The following LRBA variants were observed in gnomAD, a reference collection of about 807,000 sequenced individuals.
The protein encoded by LRBA is LPS responsive beige-like anchor protein.
A neutral mutation model predicts 330.0 loss-of-function variants in LRBA; 176 were observed. The observed-to-expected ratio is 0.53, with a 90% confidence interval of 0.47 to 0.60. The LOEUF is 0.60. LRBA is among the 20% of genes least tolerant of loss of function. The pLI, the probability that LRBA is intolerant of heterozygous loss-of-function variation, is 0.00. For missense variants in LRBA, 3,259 were observed against 3,444.8 expected, an observed-to-expected ratio of 0.95 and a Z score of 1.35; for synonymous variants, 1,230 against 1,193.0, an observed-to-expected ratio of 1.03 and a Z score of -0.64.
chr4:150,578,215 T>C (rs1266456930), intron 40 of LRBA, among the ~76,000 whole-genome samples: 1 of 152,216 alleles, frequency 6.6e-6, no homozygotes, highest in East Asian at 1.9e-4. Context: ...TTGATAAATC[T>C]AATACTGTAT....
chr4:150,285,703 G>C (rs757518766), intron 54 of LRBA, among the ~76,000 whole-genome samples: 1 of 152,228 alleles, frequency 6.6e-6, no homozygotes, highest in Non-Finnish European at 1.5e-5. Context: ...GTCCAATGTA[G>C]TGGCCACTAG....
intron 2 of LRBA, among the ~76,000 whole-genome samples, chr4:150,992,459 G>A (rs1364129053): frequency 6.6e-6 from 1 of 152,198 alleles, no homozygotes; most frequent in Non-Finnish European, 1.5e-5. Context: ...AGTGTAGGAT[G>A]AGTTAGAGCA....
chr4:150,556,544 C>T (rs944312860), intron 40 of LRBA, among the ~76,000 whole-genome samples: 3 of 152,160 alleles, frequency 2.0e-5, no homozygotes, highest in Non-Finnish European at 4.4e-5. Flanking sequence ...CCTTATTAGC[C>T]TATTTACTTA....
intron 2 of LRBA, 132 bp from the exon 3 acceptor site, chr4:150,929,197 T>C (rs2149509390): frequency 1.7e-6 from 1 of 584,446 alleles, no homozygotes; most frequent in South Asian, 3.0e-5. Flanking sequence ...TTAAAAAACA[T>C]GCAGCTCAAA....
intron 46 of LRBA, among the ~76,000 whole-genome samples, chr4:150,426,102 A>C (rs1431754515): frequency 2.0e-5 from 3 of 152,046 alleles, no homozygotes; most frequent in Admixed American, 6.5e-5. Context: ...TAAAAAATTC[A>C]CTAGAGATCA....
chr4:150,742,563 C>T (rs906619722), intron 35 of LRBA, among the ~76,000 whole-genome samples: 3 of 152,042 alleles, frequency 2.0e-5, no homozygotes, highest in Non-Finnish European at 4.4e-5. Context: ...ACTCCCATTC[C>T]ACAGGGCACT....
chr4:150,723,393 G>C (rs1019008972), intron 36 of LRBA, among the ~76,000 whole-genome samples: 10 of 152,176 alleles, frequency 6.6e-5, no homozygotes, highest in Non-Finnish European at 1.2e-4. Context: ...GCACCAGGCA[G>C]AGTCATGAGG....
chr4:151,007,681 C>T (rs1341196122), intron 2 of LRBA, among the ~76,000 whole-genome samples: 1 of 151,268 alleles, frequency 6.6e-6, no homozygotes, highest in Non-Finnish European at 1.5e-5. Context: ...CACGGTGAAA[C>T]CACGTGTCTA....
At chr4:150,889,901 C>T (rs933121233) in intron 17 of LRBA, among the ~76,000 whole-genome samples, 5 of 151,952 alleles carry the variant, frequency 3.3e-5, no homozygotes, top group Admixed American at 6.6e-5. Flanking sequence ...ATGAGAATGA[C>T]AGTGCCACAA....
chr4:150,998,799 T>C (rs923936999), intron 2 of LRBA, among the ~76,000 whole-genome samples: 3 of 152,240 alleles, frequency 2.0e-5, no homozygotes, highest in Non-Finnish European at 4.4e-5. Context: ...TAAATACATG[T>C]AAGCATTTGG....
intron 37 of LRBA, among the ~76,000 whole-genome samples, chr4:150,681,438 A>G (rs965540708): frequency 1.3e-5 from 2 of 152,182 alleles, no homozygotes; most frequent in Admixed American, 6.5e-5. Flanking sequence ...CATTATTGGG[A>G]ATTAATATTG....
intron 37 of LRBA, among the ~76,000 whole-genome samples, chr4:150,629,470 C>T (rs1200270999): frequency 6.6e-6 from 1 of 151,724 alleles, no homozygotes; most frequent in Non-Finnish European, 1.5e-5. Flanking sequence ...GAAACCCCAC[C>T]TCTACTAAAA....
intron 22 of LRBA, among the ~76,000 whole-genome samples, chr4:150,859,386 TTTAA>T (rs1254740363): frequency 6.6e-6 from 1 of 152,152 alleles, no homozygotes; most frequent in African/African-American, 2.4e-5. Context: ...TAATTTAAAT[TTTAA>T]TTAATGAGTA....
intron 40 of LRBA, among the ~76,000 whole-genome samples, chr4:150,572,783 T>A (rs1439388331): frequency 1.3e-5 from 2 of 152,072 alleles, no homozygotes; most frequent in African/African-American, 4.8e-5. Context: ...CTGAAGGAAA[T>A]ATGAGGGAGG....
rs1339499061 is a variant in LRBA at position 150,435,725 on chromosome 4, A to C, written c.6922-17T>G. ...AAAGGGTTCCTAAAAAATAGCAATTAAAAAAATCCATATGTTCCCTCAGGC... is the reference window on the plus strand; with the variant it reads ...AAAGGGTTCCTAAAAAATAGCAATTCAAAAAATCCATATGTTCCCTCAGGC... On this transcript the variant is annotated splice_polypyrimidine_tract_variant and intron_variant, in intron 45 of 56. Coordinates refer to ENST00000651943, the MANE Select transcript of LRBA (RefSeq NM_001364905.1). 1.3e-6 allele frequency: 2 copies of C among 1,586,916 alleles called. No homozygotes were observed. The highest frequency in any genetic ancestry group is 1.4e-5 in the African/African-American group (1 of 73,346).
chr4:150,301,512 AT>A (rs1292626205), intron 53 of LRBA, among the ~76,000 whole-genome samples: 2 of 152,142 alleles, frequency 1.3e-5, no homozygotes, highest in African/African-American at 4.8e-5. Context: ...ATCAAAGTCT[AT>A]AATGTACATA....
chr4:150,978,186 C>CAG (rs1294243980), intron 2 of LRBA, among the ~76,000 whole-genome samples: 3 of 151,594 alleles, frequency 2.0e-5, no homozygotes, highest in African/African-American at 2.4e-5. Context: ...TGGTTCAGCA[C>CAG]AGAGAGAGAG....
rs1206431256 is a variant in LRBA, at chr4:150,341,749, C to T, written c.7362+8243G>A. Among the ~76,000 whole-genome samples the T allele has an allele frequency of 2.6e-5, 4 of 151,100 alleles. No individual in the cohort carries two copies. In the East Asian group the frequency reaches 7.7e-4, roughly 29 times the overall value. On this transcript the variant is annotated intron_variant, in intron 48 of 56. Transcript: ENST00000651943. Reference sequence around the variant, plus strand: ...TTATTTACATACACACAGACATATGCATATATGTGTATTTTTTAAAAAAAT... The same window carrying T: ...TTATTTACATACACACAGACATATGTATATATGTGTATTTTTTAAAAAAAT...
intron 48 of LRBA, among the ~76,000 whole-genome samples, chr4:150,346,005 A>G (rs1736244988): frequency 6.6e-6 from 1 of 152,002 alleles, no homozygotes; most frequent in Admixed American, 6.5e-5. Context: ...ATGGGGCCTC[A>G]CTTTGTTGCC....
Sources: gnomAD v4.1 joint callset for allele counts (sites outside exome capture counted in the v4.1 genomes callset) on GRCh38, gnomAD v4.1.1 for gene constraint, MANE v1.5 for transcripts, NCBI Gene and HGNC (gene_info 2026-07-23, HGNC 2026-07-21) for gene names.